The following ZFPM2 variants were observed in gnomAD, a reference collection of about 807,000 sequenced individuals.
The protein encoded by ZFPM2 is zinc finger protein ZFPM2.
In ZFPM2, 20 loss-of-function variants were observed where a neutral mutation model predicts 98.6. That is an observed-to-expected ratio of 0.20 (90% CI 0.14 to 0.29). The LOEUF (loss-of-function observed/expected upper bound fraction) is 0.29. ZFPM2 is among the 10% of genes least tolerant of loss of function. The pLI is 1.00. For synonymous variants in ZFPM2, 518 were observed against 502.7 expected (o/e 1.03, Z -0.41); for missense variants, 1,310 against 1,388.6 (o/e 0.94, Z 0.90).
chr8:105,406,659 A>C (rs1811465471), intron 1 of ZFPM2, among the ~76,000 whole-genome samples: 1 of 151,960 alleles, frequency 6.6e-6, no homozygotes, highest in Non-Finnish European at 1.5e-5. Context: ...TCTGTCTTAG[A>C]ATAACCTGGA....
chr8:105,400,427 C>G (rs1480893544), intron 1 of ZFPM2, among the ~76,000 whole-genome samples: 2 of 152,038 alleles, frequency 1.3e-5, no homozygotes, highest in African/African-American at 4.8e-5. Context: ...CCCTACCCCA[C>G]AACAGTCCCC....
At chr8:105,331,633 G>GA (rs1469782579) in intron 1 of ZFPM2, among the ~76,000 whole-genome samples, 3 of 151,808 alleles carry the variant, frequency 2.0e-5, no homozygotes, top group Admixed American at 1.3e-4. Flanking sequence ...TTAGGTTAGG[G>GA]TCTATAGGCT....
chr8:105,788,581 G>A, intron 5 of ZFPM2, 137 bp from the exon 6 acceptor site: 6 of 798,148 alleles, frequency 7.5e-6, no homozygotes, highest in East Asian at 2.6e-5. Flanking sequence ...GAACACAGCT[G>A]TTGCCTTGAT....
chr8:105,777,426 T>C (rs1169070230), intron 5 of ZFPM2, among the ~76,000 whole-genome samples: 3 of 152,196 alleles, frequency 2.0e-5, no homozygotes, highest in African/African-American at 7.2e-5. Context: ...GAATAATTTT[T>C]TAAAAAAATC....
At position 105,380,705 on chromosome 8, in the gene ZFPM2, A is replaced by ATATATATATATTATATATAACATATATAT. The variant is rs71305148; in HGVS notation, c.41-38428_41-38427insTATATATAACATATATATTATATATATAT. On this transcript the variant is annotated intron_variant, in intron 1 of 7. Coordinates refer to ENST00000407775, the MANE Select transcript of ZFPM2 (RefSeq NM_012082.4). ...ATATATATTATATATAACATATATA[A>ATATATATATATTATATATAACATATATAT]TATATATATATATTATATATAACAT... is the stretch of plus-strand genomic sequence containing the variant. Among the ~76,000 whole-genome samples the ATATATATATATTATATATAACATATATAT allele has an allele frequency of 2.4e-3, 39 of 16,012 alleles. 7 individuals carry two copies. The highest frequency in any genetic ancestry group is 0.01 in the African/African-American group (35 of 3,364). The allele number at this position is 16,012 out of a possible 152,430, so 10.5% of individuals were successfully genotyped here.
At chr8:105,784,654 A>G (rs573304431) in intron 5 of ZFPM2, among the ~76,000 whole-genome samples, 1 of 145,910 alleles carries the variant, frequency 6.9e-6, no homozygotes, top group Non-Finnish European at 1.5e-5. Context: ...CCTCATAATA[A>G]CATCATGAGT....
chr8:105,570,421 A>G (rs1815330303), intron 4 of ZFPM2, among the ~76,000 whole-genome samples: 1 of 152,150 alleles, frequency 6.6e-6, no homozygotes, highest in Admixed American at 6.5e-5. Flanking sequence ...TGAGTCAGAA[A>G]GGAAGAAATT....
chr8:105,793,823 C>A (rs1297478394), intron 6 of ZFPM2, among the ~76,000 whole-genome samples: 2 of 147,728 alleles, frequency 1.4e-5, no homozygotes, highest in African/African-American at 2.7e-5. Context: ...CTTCTCGCTT[C>A]ATTTCATCTT....
intron 5 of ZFPM2, among the ~76,000 whole-genome samples, chr8:105,734,390 C>T (rs943600026): frequency 1.3e-5 from 2 of 151,818 alleles, no homozygotes; most frequent in African/African-American, 4.8e-5. Flanking sequence ...CCAGGAAATT[C>T]CAAGATACCC....
chr8:105,349,356 G>A (rs572255633), intron 1 of ZFPM2, among the ~76,000 whole-genome samples: 1 of 152,270 alleles, frequency 6.6e-6, no homozygotes, highest in South Asian at 2.1e-4. Context: ...GAGGGCCCGA[G>A]TAATGTGGTC....
At chr8:105,795,150 G>T (rs3110505) in intron 6 of ZFPM2, among the ~76,000 whole-genome samples, 20,546 of 152,010 alleles carry the variant, frequency 0.14, 1,854 homozygotes, top group Non-Finnish European at 0.2. Context: ...AGATGGAAAT[G>T]CAAAAATCAC....
chr8:105,549,616 T>TC (rs1224378301), intron 3 of ZFPM2, among the ~76,000 whole-genome samples: 5 of 142,884 alleles, frequency 3.5e-5, no homozygotes, highest in East Asian at 2.1e-4. Flanking sequence ...TCTCTCTCTC[T>TC]TTTTTTTTTA....
chr8:105,736,100 A>G (rs367667892), intron 5 of ZFPM2, among the ~76,000 whole-genome samples: 1 of 151,990 alleles, frequency 6.6e-6, no homozygotes, highest in Admixed American at 6.6e-5. Context: ...ATTTGTAAGC[A>G]TTGAGATTTT....
intron 3 of ZFPM2, among the ~76,000 whole-genome samples, chr8:105,445,803 C>A (rs1204599077): frequency 6.6e-6 from 1 of 152,004 alleles, no homozygotes; most frequent in Non-Finnish European, 1.5e-5. Context: ...CTGGGTCTCA[C>A]CACGTGGCCC....
chr8:105,547,940 T>C (rs1814749983), intron 3 of ZFPM2, among the ~76,000 whole-genome samples: 1 of 152,184 alleles, frequency 6.6e-6, no homozygotes, highest in South Asian at 2.1e-4. Flanking sequence ...TATTCTGATA[T>C]ATAGTCATGA....
intron 3 of ZFPM2, among the ~76,000 whole-genome samples, chr8:105,533,944 C>T (rs1814363079): frequency 6.2e-5 from 1 of 16,236 alleles, no homozygotes. Context: ...CCCTCCCTTC[C>T]TTCTTTCCTT....
In ZFPM2 at chr8:105,573,708, G is replaced by A. The variant is rs1310524964; in HGVS notation, c.420+12227G>A. Among the ~76,000 whole-genome samples the A allele has an allele frequency of 2.0e-5, 3 of 152,222 alleles. No individual in the cohort carries two copies. The East Asian group carries it at 5.8e-4, about 29-fold the overall frequency. ...ACGTGATTTGTACAAAAATTTGGTG[G>A]GAATTGGGGATCAAAAGTAGTTTGC... On this transcript the variant is annotated intron_variant, in intron 4 of 7. Coordinates refer to ENST00000407775, the MANE Select transcript of ZFPM2 (RefSeq NM_012082.4).
chr8:105,678,198 T>A (rs1810513018), intron 5 of ZFPM2, among the ~76,000 whole-genome samples: 1 of 152,166 alleles, frequency 6.6e-6, no homozygotes, highest in Non-Finnish European at 1.5e-5. Flanking sequence ...AGTAGAACAT[T>A]AGGCTTCTGT....
intron 3 of ZFPM2, among the ~76,000 whole-genome samples, chr8:105,466,166 T>C (rs960516593): frequency 6.6e-6 from 1 of 152,002 alleles, no homozygotes; most frequent in African/African-American, 2.4e-5. Flanking sequence ...ATGAATGCAT[T>C]TCCTTTGCCA....
Sources: allele counts gnomAD v4.1 joint callset (sites outside exome capture counted in the v4.1 genomes callset), GRCh38; gene constraint gnomAD v4.1.1; transcripts MANE v1.5; gene names NCBI Gene and HGNC (gene_info 2026-07-23, HGNC 2026-07-21).